Variants in ABCA4 observed in about 807,000 individuals in gnomAD.
ABCA4 encodes retinal-specific phospholipid-transporting ATPase ABCA4.
ABCA4 carries 196 observed loss-of-function variants against 263.7 expected under a neutral mutation model. The ratio of observed to expected loss-of-function variants is 0.74; its 90% CI spans 0.66 to 0.84. The LOEUF is 0.84. ABCA4 is among the 40% of genes least tolerant of loss of function. The probability of loss-of-function intolerance (pLI) is 0.00; values close to 1 mark genes in which losing one functional copy is unlikely to be tolerated. For missense variants in ABCA4, 2,792 were observed against 2,855.1 expected (o/e 0.98, Z 0.50); for synonymous variants, 1,133 against 1,094.2 (o/e 1.04, Z -0.70).
At position 94,032,012 on chromosome 1, in the gene ABCA4, G is replaced by T; in HGVS notation, c.3894C>A (p.Asn1298Lys). 1 of 1,613,384 alleles carries T rather than the reference G, an allele frequency of 6.2e-7. No individual in the cohort carries two copies. The highest frequency in any genetic ancestry group is 8.5e-7 in the Non-Finnish European group (1 of 1,180,032). ...GGAQQKRENVNPRHPCLGPRE... is the reference protein window; with the variant it reads ...GGAQQKRENVKPRHPCLGPRE... ...TGGGACCCAAGCAGGGGTGTCGGGG[G>T]TTGACGTTTTCTCTTTTCTGCTGAG... The change falls in exon 27 of 50, where the codon AAC (asparagine) becomes AAA (lysine). Residue 1298 changes from asparagine to lysine, a missense_variant. Physicochemically the swap from Asn to Lys is moderately conservative, Grantham distance 94. Coordinates refer to ENST00000370225, the MANE Select transcript of ABCA4 (RefSeq NM_000350.3).
At chr1:94,080,131 G>C (rs1381749565) in intron 8 of ABCA4, among the ~76,000 whole-genome samples, 1 of 152,142 alleles carries the variant, frequency 6.6e-6, no homozygotes, top group Non-Finnish European at 1.5e-5. Context: ...TTACTTGCCA[G>C]GGCCCTTCTG....
At chr1:94,035,735 G>T (rs188199707) in intron 26 of ABCA4, among the ~76,000 whole-genome samples, 149 of 152,350 alleles carry the variant, frequency 9.8e-4, no homozygotes, top group African/African-American at 3.1e-3. Flanking sequence ...TTTACAGTGT[G>T]GGTGGACACC....
At chr1:94,050,681 A>G (rs1196626998) in intron 17 of ABCA4, among the ~76,000 whole-genome samples, 1 of 152,174 alleles carries the variant, frequency 6.6e-6, no homozygotes, top group Non-Finnish European at 1.5e-5. Context: ...ATAGTAAAAA[A>G]TTAACAAGTT....
At position 94,007,726 on chromosome 1, in the gene ABCA4, C is replaced by T. The variant is rs1659430438; in HGVS notation, c.5913G>A (p.Leu1971=). 6.2e-7 allele frequency: 1 copy of T among 1,614,040 alleles called. No individual in the cohort carries two copies. The highest frequency in any genetic ancestry group is 8.5e-7 in the Non-Finnish European group (1 of 1,180,014). Residue 1971 remains leucine, a synonymous_variant, in exon 43 of 50, where the codon CTG becomes CTA. Coordinates refer to ENST00000370225, the MANE Select transcript of ABCA4 (RefSeq NM_000350.3). ...TTGTTTTGCCGGCACCATTCACTCC[C>T]AGGAGGCCAAAGCACTAGGAGAAAA... The part of the protein sequence containing the change: ...GVRPGECFGL[L]GVNGAGKTTT...
intron 4 of ABCA4, 23 bp downstream of exon 4, chr1:94,108,554 G>C (rs2101155621): frequency 6.2e-7 from 1 of 1,612,970 alleles, no homozygotes; most frequent in Non-Finnish European, 8.5e-7. Flanking sequence ...AATGATGCTT[G>C]AGAGCACTGC....
chr1:94,112,412 T>C (rs1354171148), intron 2 of ABCA4, among the ~76,000 whole-genome samples: 2 of 152,102 alleles, frequency 1.3e-5, no homozygotes, highest in African/African-American at 2.4e-5. Flanking sequence ...TATAAAAAAA[T>C]AAAAACTAGC....
Position 94,031,836 on chromosome 1 carries a change from G to C in ABCA4, c.4070C>G (p.Ala1357Gly), listed in dbSNP as rs552517556. Reference protein sequence around the residue: ...GTQLVLQHVQALLVKRFQHTI... With the variant: ...GTQLVLQHVQGLLVKRFQHTI... ...GTGTTGGAATCTCTTGACCAGCAGC[G>C]CCTGCACATGCTGGAGGACCAGCTG... Residue 1357 changes from alanine (A) to glycine (G), a missense_variant, in exon 27 of 50, where the codon GCG becomes GGG. Transcript: ENST00000370225. The C allele has an allele frequency of 6.2e-7, 1 of 1,614,124 alleles. No individual in the cohort carries two copies. Among genetic ancestry groups the C allele is most frequent in the Admixed American group, 1.7e-5 (1 of 60,032 alleles).
chr1:94,081,365 C>T (rs1476159614), intron 7 of ABCA4, among the ~76,000 whole-genome samples: 1 of 152,010 alleles, frequency 6.6e-6, no homozygotes, highest in African/African-American at 2.4e-5. Flanking sequence ...TACTGTTAAG[C>T]CAGTTCTTGG....
At chr1:94,074,596 T>A (rs567023979) in intron 11 of ABCA4, among the ~76,000 whole-genome samples, 2 of 152,258 alleles carry the variant, frequency 1.3e-5, no homozygotes, top group East Asian at 3.9e-4. Context: ...TGAGAGAAAA[T>A]TTTTGTAATC....
Position 94,001,102 on chromosome 1 carries a change from C to T in ABCA4, c.6286G>A (p.Glu2096Lys), listed in dbSNP as rs61750646. The T allele has an allele frequency of 9.3e-6, 15 of 1,613,350 alleles. No homozygotes were observed. Among genetic ancestry groups the T allele is most frequent in the African/African-American group, 4.0e-5 (3 of 74,866 alleles). The change falls in exon 46 of 50, where the codon GAG becomes AAG. Residue 2096 changes from glutamate to lysine, a missense_variant. Coordinates refer to ENST00000370225, the MANE Select transcript of ABCA4 (RefSeq NM_000350.3). ...TGGGGGTCCATCCCTGTGGTGGGCT[C>T]ATCCTGGGGGGTGGAGAGAAGGTTG... ...IGCPPLVLLD[E>K]PTTGMDPQAR...
At chr1:94,045,809 C>T (rs1660654676) in intron 19 of ABCA4, 1 of 456,328 alleles carries the variant, frequency 2.2e-6, no homozygotes, top group Non-Finnish European at 4.4e-6. Context: ...TTGTTCCTTC[C>T]TGGGGCTCTC....
Position 94,121,135 on chromosome 1 carries a change from C to A in ABCA4, c.-90G>T. The stretch of plus-strand genomic sequence containing the variant: ...ACGCCGTTAAGAGCGCCTCTGGCTC[C>A]GGACGCTGTGTCCTTCTCCTGGTGA... On this transcript the variant is annotated 5_prime_UTR_variant, in exon 1 of 50. Transcript: ENST00000370225. 1 of 1,168,632 alleles carries A rather than the reference C, an allele frequency of 8.6e-7. No homozygotes were observed. Among genetic ancestry groups the A allele is most frequent in the East Asian group, 2.3e-5 (1 of 42,864 alleles). The allele number at this position is 1,168,632 out of a possible 1,614,324, so 72.4% of individuals were successfully genotyped here.
At chr1:94,005,966 T>C (rs1659367152) in intron 43 of ABCA4, among the ~76,000 whole-genome samples, 2 of 152,214 alleles carry the variant, frequency 1.3e-5, no homozygotes, top group African/African-American at 4.8e-5. Context: ...TGTGTCCCGA[T>C]GGAAGTAAAC....
rs74102067 is a variant in ABCA4 at position 94,008,602 on chromosome 1, G to T, written c.5835+149C>A. On this transcript the variant is annotated intron_variant, in intron 41 of 49. Transcript: ENST00000370225. Reference sequence around the variant, plus strand: ...TTGGAATTAGATGCTCTTGGAAGACGAGTTATAACACAGGGATGATGACCC... The same window carrying T: ...TTGGAATTAGATGCTCTTGGAAGACTAGTTATAACACAGGGATGATGACCC... 14 of 1,129,062 alleles carry T rather than the reference G, an allele frequency of 1.2e-5. No individual in the cohort carries two copies. In the Admixed American group the frequency reaches 1.5e-4, roughly 12 times the overall value. 69.9% of individuals were successfully genotyped at this position (1,129,062 alleles called of 1,614,324 possible).
chr1:94,094,906 C>T (rs1662081476), intron 6 of ABCA4, among the ~76,000 whole-genome samples: 1 of 152,206 alleles, frequency 6.6e-6, no homozygotes, highest in African/African-American at 2.4e-5. Context: ...CTAATAATAC[C>T]TTGGGCCCAA....
chr1:94,082,231 A>G (rs965539458), intron 7 of ABCA4, among the ~76,000 whole-genome samples: 7 of 152,208 alleles, frequency 4.6e-5, no homozygotes, highest in Non-Finnish European at 5.9e-5. Flanking sequence ...TAGTCAAAGC[A>G]CTCAGAGATG....
At chr1:94,047,151 G>T in intron 18 of ABCA4, 58 bp from the exon 19 acceptor site, 1 of 1,593,304 alleles carries the variant, frequency 6.3e-7, no homozygotes, top group East Asian at 2.2e-5. Flanking sequence ...ATGGCCCCAG[G>T]GCTCTGTCTC....
intron 11 of ABCA4, among the ~76,000 whole-genome samples, chr1:94,071,694 C>T (rs541877424): frequency 1.2e-4 from 19 of 152,304 alleles, no homozygotes; most frequent in African/African-American, 3.8e-4. Context: ...ATCAGTCCAC[C>T]CTATGAGCTC....
chr1:94,017,571 T>C (rs1442009947), intron 36 of ABCA4, among the ~76,000 whole-genome samples: 25 of 152,326 alleles, frequency 1.6e-4, no homozygotes, highest in Non-Finnish European at 7.3e-5. Context: ...CTGAAAGACA[T>C]CACTGGGGCA....
Sources: allele counts gnomAD v4.1 joint callset (sites outside exome capture counted in the v4.1 genomes callset), GRCh38; gene constraint gnomAD v4.1.1; transcripts MANE v1.5; gene names NCBI Gene and HGNC (gene_info 2026-07-23, HGNC 2026-07-21).